Variants in CSMD1 observed in about 807,000 individuals in gnomAD.
The protein encoded by CSMD1 is CUB and Sushi multiple domains 1.
A neutral mutation model predicts 417.5 loss-of-function variants in CSMD1; 213 were observed. The ratio of observed to expected loss-of-function variants is 0.51; its 90% CI spans 0.46 to 0.57. CSMD1 has a LOEUF of 0.57. Among genes scored for constraint, CSMD1 ranks in the 20% least tolerant of loss-of-function variants. The pLI is 0.00. For synonymous variants in CSMD1, 2,862 were observed against 1,736.8 expected (o/e 1.65, Z -16.11); for missense variants, 6,923 against 4,529.7 (o/e 1.53, Z -15.17).
intron 1 of CSMD1, among the ~76,000 whole-genome samples, chr8:4,873,572 A>C (rs1802861693): frequency 6.6e-6 from 1 of 152,136 alleles, no homozygotes; most frequent in African/African-American, 2.4e-5. Flanking sequence ...AAAGTTGCTG[A>C]CAAGAAACAA....
intron 7 of CSMD1, among the ~76,000 whole-genome samples, chr8:3,619,205 A>G (rs1209048630): frequency 6.6e-6 from 1 of 152,130 alleles, no homozygotes. Flanking sequence ...AAAAACAAAA[A>G]TACAGCAAAA....
At chr8:3,308,969 C>A (rs1186817862) in intron 23 of CSMD1, among the ~76,000 whole-genome samples, 1 of 152,068 alleles carries the variant, frequency 6.6e-6, no homozygotes, top group African/African-American at 2.4e-5. Context: ...AGGCAATCCA[C>A]CCCCTCAGCC....
At chr8:3,417,693 G>A (rs270088) in intron 12 of CSMD1, among the ~76,000 whole-genome samples, 1 of 152,048 alleles carries the variant, frequency 6.6e-6, no homozygotes, top group Admixed American at 6.6e-5. Context: ...TTGTGCAACT[G>A]ACCACACTGT....
intron 3 of CSMD1, among the ~76,000 whole-genome samples, chr8:4,345,309 G>C (rs1800718325): frequency 1.3e-5 from 2 of 152,080 alleles, no homozygotes; most frequent in African/African-American, 2.4e-5. Context: ...GAACACCCTA[G>C]AAGGTAACAT....
intron 2 of CSMD1, among the ~76,000 whole-genome samples, chr8:4,565,801 T>C (rs940783354): frequency 9.0e-6 from 1 of 110,978 alleles, no homozygotes; most frequent in African/African-American, 3.4e-5. Context: ...TATATATGTA[T>C]ACATATATAT....
chr8:3,285,661 A>C (rs1377741403), intron 25 of CSMD1, among the ~76,000 whole-genome samples: 1 of 151,982 alleles, frequency 6.6e-6, no homozygotes, highest in Admixed American at 6.6e-5. Flanking sequence ...GGCCTCCCAA[A>C]GTGCTGTGAT....
chr8:4,805,247 C>A (rs1423568149), intron 1 of CSMD1, among the ~76,000 whole-genome samples: 1 of 152,170 alleles, frequency 6.6e-6, no homozygotes, highest in Non-Finnish European at 1.5e-5. Context: ...ATGTATTGCA[C>A]CTGTCCATCT....
At chr8:3,180,987 C>G (rs1399445198) in intron 37 of CSMD1, 123 bp downstream of exon 37, 2 of 674,774 alleles carry the variant, frequency 3.0e-6, no homozygotes, top group Admixed American at 2.7e-5. Context: ...AAATTTCATG[C>G]AAGTCTTTCA....
rs1392654258 is a variant in CSMD1 at position 3,387,531 on chromosome 8, C to A, written c.2745G>T (p.Arg915Ser). The change falls in exon 18 of 70, where the codon AGG (arginine) becomes AGT (serine). Residue 915 changes from arginine (R) to serine (S), a missense_variant. Arg to Ser is a moderately radical substitution (Grantham distance 110). Transcript: ENST00000635120. ...GCAAGGCGTGGTTCCACTGGTGGTTCCTCTCACAGACGAGGGGCTCGTCGT... is the reference window on the plus strand; with the variant it reads ...GCAAGGCGTGGTTCCACTGGTGGTTACTCTCACAGACGAGGGGCTCGTCGT... ...LSDDEPLVCE[R>S]NHQWNHALPS... 1.9e-6 allele frequency: 3 copies of A among 1,602,448 alleles called. No homozygotes were observed. The highest frequency in any genetic ancestry group is 2.6e-6 in the Non-Finnish European group (3 of 1,174,486).
At chr8:3,144,988 C>T (rs569335689) in intron 40 of CSMD1, among the ~76,000 whole-genome samples, 1 of 151,868 alleles carries the variant, frequency 6.6e-6, no homozygotes, top group Non-Finnish European at 1.5e-5. Flanking sequence ...GGCGGTATGC[C>T]CACAAATCTA....
At chr8:4,254,526 C>T (rs1324610763) in intron 3 of CSMD1, among the ~76,000 whole-genome samples, 13 of 152,108 alleles carry the variant, frequency 8.5e-5, no homozygotes, top group East Asian at 1.9e-4. Flanking sequence ...GTAGCCTAAA[C>T]GTATGCTGTT....
intron 6 of CSMD1, among the ~76,000 whole-genome samples, chr8:3,741,066 T>C (rs957340810): frequency 1.3e-5 from 2 of 151,762 alleles, no homozygotes; most frequent in African/African-American, 2.4e-5. Context: ...AATACAAAAA[T>C]TAGCCAGGTG....
At chr8:4,772,775 G>C (rs961864184) in intron 1 of CSMD1, among the ~76,000 whole-genome samples, 3 of 152,174 alleles carry the variant, frequency 2.0e-5, no homozygotes, top group African/African-American at 7.2e-5. Flanking sequence ...TAACAGATCA[G>C]TCTTCCAGGG....
At chr8:3,521,758 T>C (rs563195437) in intron 10 of CSMD1, among the ~76,000 whole-genome samples, 2 of 152,234 alleles carry the variant, frequency 1.3e-5, no homozygotes, top group African/African-American at 4.8e-5. Flanking sequence ...TTCTCATTTA[T>C]TGTATTCCCA....
intron 6 of CSMD1, among the ~76,000 whole-genome samples, chr8:3,741,621 C>T (rs1467178363): frequency 6.6e-6 from 1 of 152,204 alleles, no homozygotes; most frequent in African/African-American, 2.4e-5. Context: ...GCAAATAGTG[C>T]AGACAGATAA....
At chr8:4,248,011 G>C (rs1205004719) in intron 3 of CSMD1, among the ~76,000 whole-genome samples, 1 of 152,022 alleles carries the variant, frequency 6.6e-6, no homozygotes, top group Non-Finnish European at 1.5e-5. Context: ...CTCCATAATT[G>C]TATATAGATT....
At chr8:4,029,259 G>T (rs951286362) in intron 4 of CSMD1, among the ~76,000 whole-genome samples, 3 of 152,182 alleles carry the variant, frequency 2.0e-5, no homozygotes, top group African/African-American at 7.2e-5. Context: ...AACAATTTTG[G>T]ATATTTGGGG....
chr8:4,408,739 C>G (rs1251089403), intron 3 of CSMD1, among the ~76,000 whole-genome samples: 3 of 152,078 alleles, frequency 2.0e-5, no homozygotes, highest in African/African-American at 4.8e-5. Flanking sequence ...TAGAGGTCAA[C>G]AGAGTATCTA....
intron 41 of CSMD1, among the ~76,000 whole-genome samples, chr8:3,140,363 G>C (rs1168152376): frequency 7.3e-6 from 1 of 137,900 alleles, no homozygotes; most frequent in Admixed American, 7.2e-5. Flanking sequence ...CTCTCTCTCT[G>C]TTTTTCTCTC....
Sources: gnomAD v4.1 joint callset for allele counts (sites outside exome capture counted in the v4.1 genomes callset) on GRCh38, gnomAD v4.1.1 for gene constraint, MANE v1.5 for transcripts, NCBI Gene and HGNC (gene_info 2026-07-23, HGNC 2026-07-21) for gene names.